OTUB1: variants seen among roughly 807,000 people sequenced by gnomAD.
OTUB1 encodes the protein ubiquitin thioesterase OTUB1.
Under a neutral mutation model 35.8 loss-of-function variants are expected in OTUB1, and 10 were observed. The ratio of observed to expected loss-of-function variants is 0.28; its 90% CI spans 0.17 to 0.47. The LOEUF (loss-of-function observed/expected upper bound fraction) is 0.47, where lower values mean the gene tolerates loss of function less well. Ranked by LOEUF, OTUB1 falls within the 20% of genes least tolerant of loss-of-function variation. The pLI is 0.99. For synonymous variants in OTUB1, 158 were observed against 143.8 expected, an observed-to-expected ratio of 1.10 and a Z score of -0.71; for missense variants, 264 against 351.6, an observed-to-expected ratio of 0.75 and a Z score of 1.99.
In OTUB1 at chr11:63,988,686, G is replaced by T. The variant is rs1468119825; in HGVS notation, c.153G>T (p.Arg51=). The change falls in exon 3 of 7, where the codon CGG becomes CGT. Residue 51 remains arginine (R), a synonymous_variant. Transcript: ENST00000538426. ...TGCAGAACCCTCTGGTGTCAGAGCGGCTGGAGCTCTCGGTCCTATACAAGG... is the reference window on the plus strand; with the variant it reads ...TGCAGAACCCTCTGGTGTCAGAGCGTCTGGAGCTCTCGGTCCTATACAAGG... The part of the protein sequence containing the change: ...IAVQNPLVSE[R]LELSVLYKEY... 6.2e-7 allele frequency: 1 copy of T among 1,613,282 alleles called. No individual in the cohort carries two copies. The highest frequency in any genetic ancestry group is 8.5e-7 in the Non-Finnish European group (1 of 1,179,748).
intron 1 of OTUB1, 64 bp downstream of exon 1, chr11:63,986,578 C>T: frequency 7.0e-7 from 1 of 1,438,560 alleles, no homozygotes; most frequent in Non-Finnish European, 9.4e-7. Context: ...CAGCTGCTCC[C>T]GAGGAGGGAG....
At chr11:63,987,845 C>T (rs1181299607) in intron 1 of OTUB1, among the ~76,000 whole-genome samples, 1 of 152,148 alleles carries the variant, frequency 6.6e-6, no homozygotes, top group Non-Finnish European at 1.5e-5. Context: ...CAGAACATTC[C>T]CAGGCTGCTG....
At chr11:63,992,418 G>A (rs11231670) in intron 3 of OTUB1, among the ~76,000 whole-genome samples, 1 of 146,744 alleles carries the variant, frequency 6.8e-6, no homozygotes, top group Non-Finnish European at 1.5e-5. Flanking sequence ...GGCCAGTGTG[G>A]CTGGTGGAGA....
Position 63,997,423 on chromosome 11 carries a change from C to T in OTUB1, c.693C>T (p.Ile231=), listed in dbSNP as rs768535647. 1 of 1,614,140 alleles carries T rather than the reference C, an allele frequency of 6.2e-7. No individual in the cohort carries two copies. Among genetic ancestry groups the T allele is most frequent in the South Asian group, 1.1e-5 (1 of 91,086 alleles). ...IALAQALSVS[I]QVEYMDRGEG... Reference sequence around the variant, plus strand: ...TGGCCCAGGCCCTCAGCGTGTCCATCCAGGTGGAGTACATGGACCGCGGCG... The same window carrying T: ...TGGCCCAGGCCCTCAGCGTGTCCATTCAGGTGGAGTACATGGACCGCGGCG... The change falls in exon 7 of 7, where the codon ATC becomes ATT. Residue 231 remains isoleucine, a synonymous_variant. Coordinates refer to ENST00000538426, the MANE Select transcript of OTUB1 (RefSeq NM_017670.3).
Position 63,995,500 on chromosome 11 carries a change from A to G in OTUB1, c.220-1030A>G, listed in dbSNP as rs560667435. Among the ~76,000 whole-genome samples the G allele has an allele frequency of 1.6e-3, 236 of 151,454 alleles. 2 individuals carry two copies. Among genetic ancestry groups the G allele is most frequent in the Middle Eastern group, 0.01 (3 of 294 alleles). On this transcript the variant is annotated intron_variant, in intron 3 of 6. Coordinates refer to ENST00000538426, the MANE Select transcript of OTUB1 (RefSeq NM_017670.3). ...CGTGAGCCATCGCGCCCAGCCACTT[A>G]TTTTTTTTAGAGAGACGGGGGTCTC... is the stretch of plus-strand genomic sequence containing the variant.
intron 3 of OTUB1, among the ~76,000 whole-genome samples, chr11:63,991,490 C>T (rs1942672225): frequency 6.6e-6 from 1 of 152,212 alleles, no homozygotes; most frequent in African/African-American, 2.4e-5. Context: ...CTCTCTGTGC[C>T]CCCAGCACCC....
intron 1 of OTUB1, 130 bp downstream of exon 1, chr11:63,986,644 C>T (rs1315021817): frequency 2.5e-5 from 17 of 682,138 alleles, no homozygotes; most frequent in Non-Finnish European, 3.9e-5. Context: ...CCTTCCTCCA[C>T]CTCCGCTGCC....
chr11:63,994,176 C>T (rs552020752), intron 3 of OTUB1, among the ~76,000 whole-genome samples: 3 of 152,154 alleles, frequency 2.0e-5, no homozygotes, highest in Non-Finnish European at 2.9e-5. Context: ...CTGAGCAGGG[C>T]GGGGTAGGCA....
At chr11:63,990,643 G>GA (rs1188518834) in intron 3 of OTUB1, 1 of 151,654 alleles carries the variant, frequency 6.6e-6, no homozygotes, top group Non-Finnish European at 1.5e-5. Context: ...TGGGTGTGTG[G>GA]AAACAGTATC....
intron 3 of OTUB1, among the ~76,000 whole-genome samples, chr11:63,994,522 ATT>A (rs1205353960): frequency 2.0e-5 from 3 of 152,206 alleles, no homozygotes; most frequent in Non-Finnish European, 1.5e-5. Context: ...AAGTGCTGGG[ATT>A]ATAGGCGTGA....
intron 3 of OTUB1, 64 bp from the exon 4 acceptor site, chr11:63,996,466 A>G: frequency 6.4e-7 from 1 of 1,563,490 alleles, no homozygotes; most frequent in African/African-American, 1.4e-5. Context: ...GCTGGGGGAC[A>G]TTTCCTTGGC....
intron 3 of OTUB1, among the ~76,000 whole-genome samples, chr11:63,992,340 C>T (rs1485199957): frequency 6.6e-6 from 1 of 151,758 alleles, no homozygotes; most frequent in African/African-American, 2.4e-5. Flanking sequence ...GAGTCACAGG[C>T]GTCCGAGAGC....
chr11:63,991,568 C>T (rs746199682), intron 3 of OTUB1, among the ~76,000 whole-genome samples: 2 of 152,322 alleles, frequency 1.3e-5, no homozygotes, highest in Admixed American at 1.3e-4. Flanking sequence ...CAGCAGAGCC[C>T]AAGCAGAGAG....
At chr11:63,986,838 C>G (rs1942625535) in intron 1 of OTUB1, 2 of 329,300 alleles carry the variant, frequency 6.1e-6, no homozygotes, top group Non-Finnish European at 1.1e-5. Flanking sequence ...CCTCTCGCCC[C>G]TGTCCTTGCA....
At chr11:63,989,635 G>C (rs2009828937) in intron 3 of OTUB1, 1 of 151,236 alleles carries the variant, frequency 6.6e-6, no homozygotes. Context: ...GCTGAGGCAG[G>C]AGAATTGCTT....
chr11:63,992,627 T>A (rs1366482525), intron 3 of OTUB1, among the ~76,000 whole-genome samples: 1 of 152,198 alleles, frequency 6.6e-6, no homozygotes, highest in Non-Finnish European at 1.5e-5. Context: ...CTCAGCTCAC[T>A]GCAACCTCCA....
At chr11:63,988,205 A>G (rs926669956) in intron 1 of OTUB1, 132 bp from the exon 2 acceptor site, 7 of 672,104 alleles carry the variant, frequency 1.0e-5, no homozygotes, top group Non-Finnish European at 1.8e-5. Flanking sequence ...CATCTGGGAC[A>G]TCTGTAACAT....
chr11:63,993,219 C>T (rs929842469), intron 3 of OTUB1, among the ~76,000 whole-genome samples: 3 of 152,082 alleles, frequency 2.0e-5, no homozygotes, highest in South Asian at 4.1e-4. Context: ...GGGGCAGCCT[C>T]GGGGAGGAGC....
In OTUB1 at chr11:63,996,929, T is replaced by C. The variant is rs147635973; in HGVS notation, c.411T>C (p.Asp137=). ...SQGFTEFTIE[D]FHNTFMDLIE... ...GCTTCACTGAATTCACAATTGAGGA[T>C]TTCCACAACACGGTGAGCCCTGGTG... The change falls in exon 5 of 7, where the codon GAT becomes GAC. Residue 137 remains aspartate (D), a synonymous_variant. Transcript: ENST00000538426. 1,297 of 1,614,072 alleles carry C rather than the reference T, an allele frequency of 8.0e-4. 2 individuals carry two copies. Among genetic ancestry groups the C allele is most frequent in the Non-Finnish European group, 9.1e-4 (1,070 of 1,179,974 alleles).
Sources: gnomAD v4.1 joint callset for allele counts (sites outside exome capture counted in the v4.1 genomes callset) on GRCh38, gnomAD v4.1.1 for gene constraint, MANE v1.5 for transcripts, NCBI Gene and HGNC (gene_info 2026-07-23, HGNC 2026-07-21) for gene names.